Variants in SLC25A21 observed in about 807,000 individuals in gnomAD.
The protein encoded by SLC25A21 is mitochondrial 2-oxodicarboxylate carrier.
Under a neutral mutation model 43.8 loss-of-function variants are expected in SLC25A21, and 47 were observed. The ratio of observed to expected loss-of-function variants is 1.07; its 90% CI spans 0.85 to 1.37. SLC25A21 has a LOEUF of 1.37. Among genes scored for constraint, SLC25A21 ranks in the 40% most tolerant of loss-of-function variants. The probability of loss-of-function intolerance (pLI) is 0.00; values close to 1 mark genes in which losing one functional copy is unlikely to be tolerated. For missense variants in SLC25A21, 352 were observed against 350.2 expected (o/e 1.00, Z -0.04); for synonymous variants, 131 against 121.3 (o/e 1.08, Z -0.52).
chr14:37,027,629 C>T (rs1961121634), intron 1 of SLC25A21, among the ~76,000 whole-genome samples: 1 of 152,122 alleles, frequency 6.6e-6, no homozygotes, highest in South Asian at 2.1e-4. Context: ...TTATAGCAGG[C>T]AGCAAACAAG....
chr14:36,894,315 T>G (rs1169460), intron 1 of SLC25A21, among the ~76,000 whole-genome samples: 75,252 of 151,910 alleles, frequency 0.5, 20,824 homozygotes, highest in East Asian at 0.99. Context: ...TGAATGGGAG[T>G]TCACTCATGA....
At chr14:36,906,516 T>C (rs1367810054) in intron 1 of SLC25A21, among the ~76,000 whole-genome samples, 1 of 151,784 alleles carries the variant, frequency 6.6e-6, no homozygotes, top group East Asian at 1.9e-4. Flanking sequence ...TCCTTCCTTT[T>C]TTTTTTTTTA....
intron 1 of SLC25A21, among the ~76,000 whole-genome samples, chr14:37,078,836 A>G (rs954249646): frequency 6.8e-6 from 1 of 147,260 alleles, no homozygotes; most frequent in Admixed American, 6.8e-5. Flanking sequence ...GCTTTCCATT[A>G]TTTTCCTTTT....
chr14:37,040,129 G>A lies in SLC25A21; in HGVS notation c.70+132152C>T, dbSNP rs1961414730. Among the ~76,000 whole-genome samples the A allele has an allele frequency of 2.0e-5, 3 of 150,524 alleles. No homozygotes were observed. In the Admixed American group the frequency reaches 2.0e-4, roughly 10 times the overall value. ...GCAGGAGAATTGCTGGACCCCAGGA[G>A]GTGGAAGTTGCAGTGAACCAAGATT... On this transcript the variant is annotated intron_variant, in intron 1 of 9. Transcript: ENST00000331299.
At chr14:37,040,375 GAAAGAAAGAAAGAAAGAA>G (rs1372557445) in intron 1 of SLC25A21, among the ~76,000 whole-genome samples, 1 of 30,460 alleles carries the variant, frequency 3.3e-5, no homozygotes, top group Non-Finnish European at 5.5e-5. Context: ...GAGAGAGAGA[GAAAGAAAGAAAGAAAGAA>G]AGAAAGAAAG....
chr14:37,055,842 A>G (rs949339125), intron 1 of SLC25A21, among the ~76,000 whole-genome samples: 1 of 152,204 alleles, frequency 6.6e-6, no homozygotes, highest in African/African-American at 2.4e-5. Context: ...AACATATCTA[A>G]TATGTACATC....
At chr14:36,755,851 T>C (rs1885907846) in intron 3 of SLC25A21, among the ~76,000 whole-genome samples, 1 of 152,052 alleles carries the variant, frequency 6.6e-6, no homozygotes, top group Non-Finnish European at 1.5e-5. Flanking sequence ...GCCAAGTGGG[T>C]CCATGTAACA....
intron 1 of SLC25A21, among the ~76,000 whole-genome samples, chr14:37,007,432 G>C (rs1960629130): frequency 6.6e-6 from 1 of 151,930 alleles, no homozygotes; most frequent in South Asian, 2.1e-4. Context: ...GTTAAACCCT[G>C]TATCTACTAA....
At chr14:37,103,258 A>G (rs1450456844) in intron 1 of SLC25A21, among the ~76,000 whole-genome samples, 1 of 152,186 alleles carries the variant, frequency 6.6e-6, no homozygotes, top group Non-Finnish European at 1.5e-5. Context: ...TTACCAAAGG[A>G]TAAAAGATTT....
At chr14:37,062,286 T>G (rs1961963803) in intron 1 of SLC25A21, among the ~76,000 whole-genome samples, 2 of 152,252 alleles carry the variant, frequency 1.3e-5, no homozygotes, top group Non-Finnish European at 2.9e-5. Context: ...CCCATGGTAC[T>G]TTACCTATTA....
intron 2 of SLC25A21, among the ~76,000 whole-genome samples, chr14:36,861,698 T>A (rs557252565): frequency 6.0e-4 from 91 of 152,358 alleles, no homozygotes; most frequent in African/African-American, 2.1e-3. Flanking sequence ...AAAACATTTT[T>A]AAAACTGTTA....
At chr14:36,812,442 A>T (rs910813954) in intron 3 of SLC25A21, among the ~76,000 whole-genome samples, 1 of 150,704 alleles carries the variant, frequency 6.6e-6, no homozygotes, top group Non-Finnish European at 1.5e-5. Context: ...CCAATATATT[A>T]AAACTATAAA....
intron 1 of SLC25A21, among the ~76,000 whole-genome samples, chr14:36,914,929 C>T (rs1891789952): frequency 6.6e-6 from 1 of 151,742 alleles, no homozygotes; most frequent in Admixed American, 6.6e-5. Flanking sequence ...AGAGACAAGG[C>T]ATTTTAAATA....
intron 3 of SLC25A21, among the ~76,000 whole-genome samples, chr14:36,798,177 C>T (rs1409625958): frequency 6.6e-6 from 1 of 152,114 alleles, no homozygotes; most frequent in African/African-American, 2.4e-5. Flanking sequence ...GTAAGCCAGA[C>T]CCCTACTTTA....
intron 1 of SLC25A21, among the ~76,000 whole-genome samples, chr14:36,901,313 G>A (rs1334010439): frequency 6.6e-6 from 1 of 152,144 alleles, no homozygotes; most frequent in Non-Finnish European, 1.5e-5. Context: ...AAAGTATGAG[G>A]TAAAGACTGA....
At chr14:36,733,115 T>C (rs1417054021) in intron 4 of SLC25A21, among the ~76,000 whole-genome samples, 3 of 152,218 alleles carry the variant, frequency 2.0e-5, no homozygotes, top group Admixed American at 6.5e-5. Flanking sequence ...CAACACATAA[T>C]ATTAAGAAAA....
chr14:36,937,978 A>G (rs1200177851), intron 1 of SLC25A21, among the ~76,000 whole-genome samples: 2 of 152,096 alleles, frequency 1.3e-5, no homozygotes, highest in Admixed American at 1.3e-4. Context: ...TATTTCAGAC[A>G]TTTTCTGGAG....
chr14:37,045,693 A>G (rs1161752953), intron 1 of SLC25A21, among the ~76,000 whole-genome samples: 2 of 152,204 alleles, frequency 1.3e-5, no homozygotes, highest in Non-Finnish European at 2.9e-5. Context: ...GCCATTGTTC[A>G]GCATCATTCA....
At chr14:37,091,387 T>C (rs1385691090) in intron 1 of SLC25A21, among the ~76,000 whole-genome samples, 1 of 151,484 alleles carries the variant, frequency 6.6e-6, no homozygotes, top group Admixed American at 6.6e-5. Flanking sequence ...TGAACCGAGA[T>C]TGCACCACTG....
Sources: allele counts gnomAD v4.1 joint callset (sites outside exome capture counted in the v4.1 genomes callset), GRCh38; gene constraint gnomAD v4.1.1; transcripts MANE v1.5; gene names NCBI Gene and HGNC (gene_info 2026-07-23, HGNC 2026-07-21).